Variants in TENM2 observed in about 807,000 individuals in gnomAD.
TENM2 encodes the protein teneurin-2.
Under a neutral mutation model 245.2 loss-of-function variants are expected in TENM2, and 52 were observed. The ratio of observed to expected loss-of-function variants is 0.21; its 90% CI spans 0.17 to 0.27. The LOEUF is 0.27. Among genes scored for constraint, TENM2 ranks in the 10% least tolerant of loss-of-function variants. The pLI is 1.00. For missense variants in TENM2, 3,046 were observed against 3,666.8 expected (o/e 0.83, Z 4.37); for synonymous variants, 1,363 against 1,438.9 (o/e 0.95, Z 1.19).
At chr5:167,385,953 G>GT (rs886261314) in intron 2 of TENM2, among the ~76,000 whole-genome samples, 5 of 150,070 alleles carry the variant, frequency 3.3e-5, no homozygotes, top group Non-Finnish European at 4.4e-5. Context: ...TTGGTTCCAC[G>GT]TTTTTGCAAT....
chr5:167,528,620 A>T (rs1376469945), intron 2 of TENM2, among the ~76,000 whole-genome samples: 1 of 152,186 alleles, frequency 6.6e-6, no homozygotes, highest in Non-Finnish European at 1.5e-5. Context: ...AGCTATATAA[A>T]TGGAGAAAAT....
At chr5:168,142,355 T>A (rs2152403141) in intron 12 of TENM2, among the ~76,000 whole-genome samples, 1 of 152,366 alleles carries the variant, frequency 6.6e-6, no homozygotes, top group East Asian at 1.9e-4. Flanking sequence ...TGGAATGGCT[T>A]TACCTTGACA....
rs55851541 is a variant in TENM2 at position 168,150,481 on chromosome 5, T to C, written c.2423-12130T>C. Among the ~76,000 whole-genome samples the C allele has an allele frequency of 4.7e-3, 717 of 152,310 alleles. 4 individuals are homozygous for C. The highest frequency in any genetic ancestry group is 8.2e-3 in the Non-Finnish European group (560 of 67,994). ...GCGGGGGCTTCCCCAAGTAGGATCC[T>C]CATGGATCCTATTCTCAGCTTTAGA... is the stretch of plus-strand genomic sequence containing the variant. On this transcript the variant is annotated intron_variant, in intron 12 of 28. Coordinates refer to ENST00000518659, the Ensembl canonical transcript of TENM2.
At chr5:167,015,419 T>C in the TENM2 span, among the ~76,000 whole-genome samples, 1 of 152,200 alleles carries the variant, frequency 6.6e-6, no homozygotes, top group African/African-American at 2.4e-5. Flanking sequence ...GTTTGCAACC[T>C]GGAAATCACC....
At chr5:167,488,484 C>T (rs906943983) in intron 2 of TENM2, among the ~76,000 whole-genome samples, 5 of 152,140 alleles carry the variant, frequency 3.3e-5, no homozygotes, top group African/African-American at 1.2e-4. Flanking sequence ...TCACTCCCTC[C>T]TTCTTGAAAT....
At chr5:167,371,475 C>G (rs927268084) in intron 1 of TENM2, among the ~76,000 whole-genome samples, 4 of 151,662 alleles carry the variant, frequency 2.6e-5, no homozygotes, top group Non-Finnish European at 5.9e-5. Context: ...GACTCTCCTG[C>G]CTTGGCCTCC....
At chr5:167,120,682 G>A in the TENM2 span, among the ~76,000 whole-genome samples, 3 of 152,148 alleles carry the variant, frequency 2.0e-5, no homozygotes, top group African/African-American at 4.8e-5. Context: ...AACTTTCAAT[G>A]TGTTATCTTT....
At chr5:167,511,423 C>G (rs1379650109) in intron 2 of TENM2, among the ~76,000 whole-genome samples, 2 of 152,122 alleles carry the variant, frequency 1.3e-5, no homozygotes, top group Admixed American at 6.6e-5. Flanking sequence ...CAGAGCCAAC[C>G]TCATTCTAAC....
intron 4 of TENM2, among the ~76,000 whole-genome samples, chr5:167,957,041 G>A (rs1331845110): frequency 6.6e-6 from 1 of 152,062 alleles, no homozygotes; most frequent in Non-Finnish European, 1.5e-5. Flanking sequence ...AGTTTCAGAA[G>A]GAATGGTACC....
At position 168,154,084 on chromosome 5, in the gene TENM2, CAAG is replaced by C. The variant is rs561575824; in HGVS notation, c.2423-8522_2423-8520del. Among the ~76,000 whole-genome samples, 364 of 139,576 alleles carry C rather than the reference CAAG, an allele frequency of 2.6e-3. 1 individual carries two copies. The highest frequency in any genetic ancestry group is 7.8e-3 in the Middle Eastern group (2 of 258). The allele number at this position is 139,576 out of a possible 152,430, so 91.6% of individuals were successfully genotyped here. ...AGTAACTGACGTGGGATTTCCCTCCCAAGAAGAGCTATTTTGGTTACTGTTGCC... is the reference window on the plus strand; with the variant it reads ...AGTAACTGACGTGGGATTTCCCTCCCAAGAGCTATTTTGGTTACTGTTGCC... On this transcript the variant is annotated intron_variant, in intron 12 of 28. Coordinates refer to ENST00000518659, the Ensembl canonical transcript of TENM2.
intron 13 of TENM2, among the ~76,000 whole-genome samples, chr5:168,171,224 AC>A (rs1220530365): frequency 2.0e-5 from 3 of 152,128 alleles, no homozygotes; most frequent in Non-Finnish European, 4.4e-5. Flanking sequence ...AAATTTTCTC[AC>A]GCTGTTATTC....
rs1361453194 is a variant in TENM2 at position 168,247,121 on chromosome 5, G to A, written c.6182G>A (p.Cys2061Tyr). ...AACCTCCAAAGTGGGGGCTTCTCCT[G>A]CACCATCAGGTACCGGAAGATTGGC... The change falls in exon 27 of 29, where the codon TGC becomes TAC. Residue 2061 changes from cysteine (C) to tyrosine (Y), a missense_variant. Coordinates refer to ENST00000518659, the Ensembl canonical transcript of TENM2. This position sits in a 1 kb window ranked among gnomAD's most constrained non-coding sequence, Gnocchi z 7.8. The A allele has an allele frequency of 6.2e-7, 1 of 1,613,892 alleles. No homozygotes were observed. Among genetic ancestry groups the A allele is most frequent in the Admixed American group, 1.7e-5 (1 of 60,016 alleles).
chr5:167,373,437 C>T (rs1760560415), intron 1 of TENM2, among the ~76,000 whole-genome samples: 2 of 152,108 alleles, frequency 1.3e-5, no homozygotes, highest in South Asian at 2.1e-4. Flanking sequence ...AAACTCTTGG[C>T]TTTGGTGTTA....
At chr5:168,180,210 G>T (rs1759745990) in intron 13 of TENM2, among the ~76,000 whole-genome samples, 1 of 152,200 alleles carries the variant, frequency 6.6e-6, no homozygotes, top group African/African-American at 2.4e-5. Flanking sequence ...CTCATGAACT[G>T]TTTTCCAACG....
Position 168,034,891 on chromosome 5 carries a change from G to A in TENM2, c.1187-12536G>A, listed in dbSNP as rs1161898699. 3.3e-5 allele frequency among the ~76,000 whole-genome samples: 5 copies of A among 152,344 alleles called. No individual in the cohort carries two copies. The South Asian group carries it at 6.2e-4, about 19-fold the overall frequency. On this transcript the variant is annotated intron_variant, in intron 5 of 28. Coordinates refer to ENST00000518659, the Ensembl canonical transcript of TENM2. ...TGGTCTAGGACCTCCTCTGTGAAAT[G>A]TGTTCAGTATAATTGAAGAACTGAA...
intron 2 of TENM2, 142 bp downstream of exon 4, chr5:167,375,615 G>A: frequency 2.3e-6 from 2 of 859,636 alleles, no homozygotes; most frequent in Non-Finnish European, 1.8e-6. Flanking sequence ...GTGTGAGCTG[G>A]GGGGAAGTAA....
chr5:167,428,015 A>G (rs1165573361), intron 2 of TENM2, among the ~76,000 whole-genome samples: 1 of 152,166 alleles, frequency 6.6e-6, no homozygotes, highest in Non-Finnish European at 1.5e-5. Flanking sequence ...AGTATCTGGT[A>G]TTCTAGTGTA....
At chr5:167,013,511 C>T in the TENM2 span, among the ~76,000 whole-genome samples, 1 of 151,804 alleles carries the variant, frequency 6.6e-6, no homozygotes, top group African/African-American at 2.4e-5. Context: ...ATTCAAGCAA[C>T]CCTGGTCAAC....
intron 9 of TENM2, among the ~76,000 whole-genome samples, chr5:168,099,767 A>G (rs113991461): frequency 3.3e-5 from 5 of 152,320 alleles, no homozygotes; most frequent in African/African-American, 1.2e-4. Flanking sequence ...ACGAATGCTG[A>G]TAAGTGAAGG....
Sources: allele counts gnomAD v4.1 joint callset (sites outside exome capture counted in the v4.1 genomes callset), GRCh38; gene constraint gnomAD v4.1.1; non-coding constraint Gnocchi (gnomAD v3.1); transcripts MANE v1.5; gene names NCBI Gene and HGNC (gene_info 2026-07-23, HGNC 2026-07-21).